Variants in ADCY2 observed in about 807,000 individuals in gnomAD.
The protein encoded by ADCY2 is adenylate cyclase 2, also known as adenylate cyclase type 2.
In ADCY2, 31 loss-of-function variants were observed where a neutral mutation model predicts 125.2. The observed-to-expected ratio is 0.25, with a 90% confidence interval of 0.19 to 0.33. The LOEUF is 0.33. Among genes scored for constraint, ADCY2 ranks in the 10% least tolerant of loss-of-function variants. The probability of loss-of-function intolerance (pLI) is 1.00; values close to 1 mark genes in which losing one functional copy is unlikely to be tolerated. For missense variants in ADCY2, 904 were observed against 1,418.2 expected, an observed-to-expected ratio of 0.64 and a Z score of 5.82; for synonymous variants, 512 against 548.4, an observed-to-expected ratio of 0.93 and a Z score of 0.93.
In ADCY2 at chr5:7,743,887, A is replaced by G. The variant is rs550190103; in HGVS notation, c.1956+135A>G. The G allele has an allele frequency of 1.7e-4, 134 of 770,160 alleles. 1 individual carries two copies. The African/African-American group carries it at 2.2e-3, about 13-fold the overall frequency. The allele number at this position is 770,160 out of a possible 1,614,324, so 47.7% of individuals were successfully genotyped here. The stretch of plus-strand genomic sequence containing the variant: ...AACTCCAGATCCCAGTTAAGGAAAC[A>G]CACACCCTTCAGGTCTATAACCAGG... On this transcript the variant is annotated intron_variant, in intron 15 of 24. Coordinates refer to ENST00000338316, the MANE Select transcript of ADCY2 (RefSeq NM_020546.3).
intron 4 of ADCY2, among the ~76,000 whole-genome samples, chr5:7,650,205 C>T (rs1475641095): frequency 7.4e-6 from 1 of 134,508 alleles, no homozygotes; most frequent in Non-Finnish European, 1.6e-5. Flanking sequence ...CACAAGTCCA[C>T]GTGCAGGCAC....
chr5:7,644,584 A>C lies in ADCY2; in HGVS notation c.720+18268A>C, dbSNP rs562459323. Among the ~76,000 whole-genome samples, 25 of 152,208 alleles carry C rather than the reference A, an allele frequency of 1.6e-4. 1 individual carries two copies. The South Asian group carries it at 5.2e-3, about 32-fold the overall frequency. On this transcript the variant is annotated intron_variant, in intron 4 of 24. Transcript: ENST00000338316. ...GTACCTTGTCTTGAGTTTCAGATCT[A>C]TATTTCATTAACACCATAAACTCAG...
intron 22 of ADCY2, among the ~76,000 whole-genome samples, chr5:7,815,578 T>C (rs1385532714): frequency 1.3e-5 from 2 of 152,194 alleles, no homozygotes; most frequent in Non-Finnish European, 2.9e-5. Flanking sequence ...ATAGAAACTT[T>C]TAAAAAGGTG....
intron 3 of ADCY2, among the ~76,000 whole-genome samples, chr5:7,610,396 G>T (rs1055335553): frequency 1.3e-5 from 2 of 152,142 alleles, no homozygotes; most frequent in Non-Finnish European, 2.9e-5. Context: ...GCTGCTGAGA[G>T]AGCCACTCAG....
intron 3 of ADCY2, among the ~76,000 whole-genome samples, chr5:7,570,661 C>T (rs531002023): frequency 1.3e-5 from 2 of 148,976 alleles, no homozygotes; most frequent in East Asian, 4.0e-4. Context: ...GAGTAAAAAA[C>T]AGCCACAAAG....
rs545438574 is a variant in ADCY2, at chr5:7,617,985, C to G, written c.571-8182C>G. Among the ~76,000 whole-genome samples, 71 of 152,152 alleles carry G rather than the reference C, an allele frequency of 4.7e-4. 1 individual carries two copies. Among genetic ancestry groups the G allele is most frequent in the Non-Finnish European group, 9.6e-4 (65 of 68,032 alleles). ...TTTATAATTACATTATGACTTTATG[C>G]GGAATATTTTGGTCACACCAAAAAG... On this transcript the variant is annotated intron_variant, in intron 3 of 24. Coordinates refer to ENST00000338316, the MANE Select transcript of ADCY2 (RefSeq NM_020546.3).
rs191459049 is a variant in ADCY2 at position 7,757,603 on chromosome 5, G to T, written c.2094+17G>T. The T allele has an allele frequency of 6.2e-7, 1 of 1,603,976 alleles. No individual in the cohort carries two copies. Among genetic ancestry groups the T allele is most frequent in the Non-Finnish European group, 8.5e-7 (1 of 1,173,362 alleles). On this transcript the variant is annotated intron_variant, in intron 16 of 24. Coordinates refer to ENST00000338316, the MANE Select transcript of ADCY2 (RefSeq NM_020546.3). ...TTCAACATGGTAAGTCCCAGAGCAC[G>T]GCCGTGTTCAACATGGTAAGCCCCA... is the stretch of plus-strand genomic sequence containing the variant.
chr5:7,580,139 T>C (rs576020115), intron 3 of ADCY2, among the ~76,000 whole-genome samples: 2 of 152,246 alleles, frequency 1.3e-5, no homozygotes, highest in South Asian at 4.1e-4. Context: ...AAACTAACTA[T>C]GGGTACTATG....
intron 2 of ADCY2, among the ~76,000 whole-genome samples, chr5:7,449,098 T>C (rs977100943): frequency 1.3e-5 from 2 of 152,154 alleles, no homozygotes; most frequent in African/African-American, 2.4e-5. Flanking sequence ...TCCACAACAG[T>C]GTAAAAGCGT....
At chr5:7,718,269 C>A (rs1219872265) in intron 12 of ADCY2, among the ~76,000 whole-genome samples, 2 of 151,564 alleles carry the variant, frequency 1.3e-5, no homozygotes, top group Non-Finnish European at 2.9e-5. Flanking sequence ...CTGCCTCAGC[C>A]TCCCAAGTAG....
chr5:7,417,932 A>G (rs1009826937), intron 2 of ADCY2, among the ~76,000 whole-genome samples: 1 of 152,036 alleles, frequency 6.6e-6, no homozygotes, highest in African/African-American at 2.4e-5. Context: ...TTGACAGATG[A>G]CTGTATTTTC....
intron 21 of ADCY2, among the ~76,000 whole-genome samples, chr5:7,803,726 C>G (rs1220295228): frequency 6.6e-6 from 1 of 151,952 alleles, no homozygotes; most frequent in African/African-American, 2.4e-5. Flanking sequence ...TAGGGAGACC[C>G]TGTCTCTGCA....
chr5:7,482,791 T>TATATATATATACAC (rs1443104319), intron 2 of ADCY2, among the ~76,000 whole-genome samples: 7 of 139,836 alleles, frequency 5.0e-5, no homozygotes, highest in African/African-American at 1.1e-4. Flanking sequence ...TATATATATA[T>TATATATATATACAC]ACACACACAC....
At chr5:7,737,082 A>G (rs1579373774) in intron 14 of ADCY2, among the ~76,000 whole-genome samples, 3 of 152,298 alleles carry the variant, frequency 2.0e-5, no homozygotes, top group African/African-American at 7.2e-5. Context: ...CTAGGTTTCT[A>G]CCTAACTATT....
rs536069307 is a variant in ADCY2, at chr5:7,631,972, T to C, written c.720+5656T>C. 5.9e-5 allele frequency among the ~76,000 whole-genome samples: 9 copies of C among 152,334 alleles called. No individual in the cohort carries two copies. In the East Asian group the frequency reaches 1.5e-3, roughly 26 times the overall value. On this transcript the variant is annotated intron_variant, in intron 4 of 24. Coordinates refer to ENST00000338316, the MANE Select transcript of ADCY2 (RefSeq NM_020546.3). ...CAAGACTAATTGTTTTACCCAATTG[T>C]CTTCACCTGAGTTGTTACATGGACT...
intron 3 of ADCY2, among the ~76,000 whole-genome samples, chr5:7,577,615 AGACT>A (rs1268071522): frequency 6.6e-6 from 1 of 152,158 alleles, no homozygotes; most frequent in Non-Finnish European, 1.5e-5. Flanking sequence ...ACTTAGGAGA[AGACT>A]GTCTCATGAC....
At chr5:7,772,687 A>G (rs964009882) in intron 17 of ADCY2, among the ~76,000 whole-genome samples, 2 of 152,028 alleles carry the variant, frequency 1.3e-5, no homozygotes, top group African/African-American at 4.8e-5. Flanking sequence ...AAAAGTGGCA[A>G]TATACATGCT....
At chr5:7,647,363 A>G (rs1028038670) in intron 4 of ADCY2, among the ~76,000 whole-genome samples, 5 of 152,148 alleles carry the variant, frequency 3.3e-5, no homozygotes, top group Non-Finnish European at 5.9e-5. Flanking sequence ...GTAAGCAATG[A>G]TAATATCTGC....
At chr5:7,669,838 G>A (rs570058993) in intron 4 of ADCY2, among the ~76,000 whole-genome samples, 36 of 152,294 alleles carry the variant, frequency 2.4e-4, no homozygotes, top group Admixed American at 1.3e-3. Flanking sequence ...GAAAGATACT[G>A]TTGTTTCAGA....
Sources: allele counts gnomAD v4.1 joint callset (sites outside exome capture counted in the v4.1 genomes callset), GRCh38; gene constraint gnomAD v4.1.1; transcripts MANE v1.5; gene names NCBI Gene and HGNC (gene_info 2026-07-23, HGNC 2026-07-21).